The following HPCAL1 variants were observed in gnomAD, a reference collection of about 807,000 sequenced individuals.
HPCAL1 encodes the protein hippocalcin like 1.
A neutral mutation model predicts 17.1 loss-of-function variants in HPCAL1; 8 were observed. That is an observed-to-expected ratio of 0.47 (90% CI 0.27 to 0.84). HPCAL1 has a LOEUF of 0.84. Ranked by LOEUF, HPCAL1 falls within the 40% of genes least tolerant of loss-of-function variation. The pLI, the probability that HPCAL1 is intolerant of heterozygous loss-of-function variation, is 0.13. For synonymous variants in HPCAL1, 112 were observed against 111.4 expected, an observed-to-expected ratio of 1.01 and a Z score of -0.03; for missense variants, 165 against 271.1, an observed-to-expected ratio of 0.61 and a Z score of 2.75.
chr2:10,353,471 C>T (rs1238843429), intron 1 of HPCAL1, among the ~76,000 whole-genome samples: 3 of 152,198 alleles, frequency 2.0e-5, no homozygotes, highest in African/African-American at 7.2e-5. Flanking sequence ...TGGTTCAGGG[C>T]CAGTGGCCCC....
chr2:10,373,092 A>C (rs1254940693), intron 1 of HPCAL1, among the ~76,000 whole-genome samples: 5 of 152,174 alleles, frequency 3.3e-5, no homozygotes, highest in Admixed American at 3.3e-4. Flanking sequence ...GGCAGGTGAG[A>C]GCGGCAGCCT....
chr2:10,408,565 T>TG (rs1204399450), intron 2 of HPCAL1: 2 of 152,278 alleles, frequency 1.3e-5, no homozygotes, highest in Admixed American at 1.3e-4. Flanking sequence ...TCAGCAGGGT[T>TG]GGCTGTTCCA....
intron 1 of HPCAL1, among the ~76,000 whole-genome samples, chr2:10,380,623 G>T (rs1334765868): frequency 6.6e-6 from 1 of 152,168 alleles, no homozygotes; most frequent in Non-Finnish European, 1.5e-5. Context: ...GTCCCTAGCA[G>T]GGTTGCTCCC....
At position 10,304,864 on chromosome 2, in the gene HPCAL1, T is replaced by C. The variant is rs1662518875; in HGVS notation, c.-111+1687T>C. Among the ~76,000 whole-genome samples, 2 of 152,020 alleles carry C rather than the reference T, an allele frequency of 1.3e-5. No individual in the cohort carries two copies. Among genetic ancestry groups the C allele is most frequent in the Non-Finnish European group, 2.9e-5 (2 of 67,980 alleles). ...CTCAAAATGGAGCGCCGGCATGGGG[T>C]TGGGCTGCGGAGGGGACAGCATGGG... On this transcript the variant is annotated intron_variant, in intron 1 of 4. Coordinates refer to ENST00000307845, the MANE Select transcript of HPCAL1 (RefSeq NM_002149.4). The surrounding 1 kb of genome is among the most constrained non-coding windows in gnomAD (Gnocchi z 4.1).
At chr2:10,418,355 A>T (rs1162906010) in intron 2 of HPCAL1, among the ~76,000 whole-genome samples, 1 of 147,886 alleles carries the variant, frequency 6.8e-6, no homozygotes, top group Non-Finnish European at 1.5e-5. Context: ...GATTGCTTGA[A>T]CCCAGGAGGT....
At chr2:10,393,516 G>C (rs1309611127) in intron 1 of HPCAL1, among the ~76,000 whole-genome samples, 1 of 152,254 alleles carries the variant, frequency 6.6e-6, no homozygotes, top group Non-Finnish European at 1.5e-5. Context: ...CCTGGAACCA[G>C]CACTTCCTCT....
intron 1 of HPCAL1, among the ~76,000 whole-genome samples, chr2:10,332,260 CCTT>C (rs1164874671): frequency 1.3e-5 from 2 of 152,226 alleles, no homozygotes; most frequent in Non-Finnish European, 2.9e-5. Context: ...TCTTCCCCCT[CCTT>C]CTCCATCTGA....
intron 2 of HPCAL1, among the ~76,000 whole-genome samples, chr2:10,410,002 C>G (rs1670247647): frequency 6.6e-6 from 1 of 151,598 alleles, no homozygotes; most frequent in South Asian, 2.1e-4. Flanking sequence ...GTTGCTCAGG[C>G]TGGTCTTGAA....
intron 2 of HPCAL1, among the ~76,000 whole-genome samples, chr2:10,405,844 C>T (rs1366066746): frequency 1.3e-5 from 2 of 152,228 alleles, no homozygotes; most frequent in East Asian, 3.8e-4. Context: ...TCAGTATCTC[C>T]AGCCTGCTGT....
At chr2:10,347,341 G>A (rs1028424864) in intron 1 of HPCAL1, among the ~76,000 whole-genome samples, 1 of 152,116 alleles carries the variant, frequency 6.6e-6, no homozygotes, top group African/African-American at 2.4e-5. Flanking sequence ...GGGCCTTCAG[G>A]GAAGGCCCAT....
intron 1 of HPCAL1, among the ~76,000 whole-genome samples, chr2:10,369,929 G>A (rs540022541): frequency 3.3e-5 from 5 of 152,306 alleles, no homozygotes; most frequent in South Asian, 2.1e-4. Context: ...GCTTCTTAAC[G>A]TTTTGGAAAA....
rs970534952 is a variant in HPCAL1, at chr2:10,323,166, C to T, written c.-111+19989C>T. ...CAGCACAACTCTCTGACCTGGCTCC[C>T]CCGGTTCCCCAGACGCGTTCCCCAC... On this transcript the variant is annotated intron_variant, in intron 1 of 4. Transcript: ENST00000307845. The surrounding 1 kb of genome is among the most constrained non-coding windows in gnomAD (Gnocchi z 4.6). 2.0e-5 allele frequency among the ~76,000 whole-genome samples: 3 copies of T among 152,194 alleles called. No individual in the cohort carries two copies. The highest frequency in any genetic ancestry group is 7.2e-5 in the African/African-American group (3 of 41,446).
intron 1 of HPCAL1, among the ~76,000 whole-genome samples, chr2:10,350,810 C>G (rs1241049735): frequency 6.6e-6 from 1 of 152,054 alleles, no homozygotes; most frequent in Admixed American, 6.6e-5. Flanking sequence ...TACAAGTGGC[C>G]AAGAAGCACA....
intron 2 of HPCAL1, among the ~76,000 whole-genome samples, chr2:10,415,645 C>G (rs1183560407): frequency 1.3e-5 from 2 of 151,768 alleles, no homozygotes; most frequent in Non-Finnish European, 2.9e-5. Context: ...GAAGGAGCCA[C>G]ATGCGGTTTG....
intron 1 of HPCAL1, among the ~76,000 whole-genome samples, chr2:10,335,186 T>C (rs914098824): frequency 1.3e-5 from 2 of 152,216 alleles, no homozygotes; most frequent in Non-Finnish European, 2.9e-5. Flanking sequence ...CTTAACTGAC[T>C]TGATTCTAAC....
At chr2:10,321,930 G>A (rs78201195) in intron 1 of HPCAL1, among the ~76,000 whole-genome samples, 1,586 of 152,208 alleles carry the variant, frequency 0.01, 29 homozygotes, top group African/African-American at 0.036. Context: ...CGAGGAACAA[G>A]TTTTTTTTGT....
intron 1 of HPCAL1, among the ~76,000 whole-genome samples, chr2:10,396,118 G>A (rs541266534): frequency 6.6e-6 from 1 of 152,166 alleles, no homozygotes; most frequent in African/African-American, 2.4e-5. Flanking sequence ...CTAGACACCC[G>A]CAATGCAAAT....
intron 2 of HPCAL1, among the ~76,000 whole-genome samples, chr2:10,397,906 T>A (rs1407595187): frequency 6.6e-6 from 1 of 152,184 alleles, no homozygotes; most frequent in Non-Finnish European, 1.5e-5. Context: ...CACAGCCCCT[T>A]CCAATCTCGT....
At chr2:10,410,436 C>CTTTTT (rs36002921) in intron 2 of HPCAL1, among the ~76,000 whole-genome samples, 2,171 of 77,454 alleles carry the variant, frequency 0.028, 170 homozygotes, top group East Asian at 0.049. Flanking sequence ...TCTTCTTCTT[C>CTTTTT]TTTTTTTTTT....
Sources: allele counts gnomAD v4.1 joint callset (sites outside exome capture counted in the v4.1 genomes callset), GRCh38; gene constraint gnomAD v4.1.1; non-coding constraint Gnocchi (gnomAD v3.1); transcripts MANE v1.5; gene names NCBI Gene and HGNC (gene_info 2026-07-23, HGNC 2026-07-21).